RPS6KA2: variants seen among roughly 807,000 people sequenced by gnomAD.
RPS6KA2 encodes ribosomal protein S6 kinase A2.
Under a neutral mutation model 91.8 loss-of-function variants are expected in RPS6KA2, and 42 were observed. The ratio of observed to expected loss-of-function variants is 0.46; its 90% CI spans 0.36 to 0.59. RPS6KA2 has a LOEUF of 0.59. Among genes scored for constraint, RPS6KA2 ranks in the 20% least tolerant of loss-of-function variants. The probability of loss-of-function intolerance (pLI) is 0.00; values close to 1 mark genes in which losing one functional copy is unlikely to be tolerated. For synonymous variants in RPS6KA2, 414 were observed against 393.6 expected (o/e 1.05, Z -0.61); for missense variants, 798 against 978.5 (o/e 0.82, Z 2.46).
intron 8 of RPS6KA2, among the ~76,000 whole-genome samples, chr6:166,492,001 A>G (rs932015032): frequency 3.3e-5 from 5 of 152,174 alleles, no homozygotes; most frequent in Non-Finnish European, 7.4e-5. Flanking sequence ...GACATTTCCA[A>G]TTTTCTGCTA....
rs137895009 is a variant in RPS6KA2 at position 166,451,223 on chromosome 6, G to A, written c.1086C>T (p.Gly362=). ...GATGAGCGTTTGCACTCGGGGGGAC[G>A]CCAGGAGAGTCTGTAGGTGACAGGG... is the stretch of plus-strand genomic sequence containing the variant. ...FTARTPTDSP[G]VPPSANAHHL... Residue 362 remains glycine (G), a synonymous_variant, in exon 13 of 21, where the codon GGC becomes GGT. Coordinates refer to ENST00000265678, the MANE Select transcript of RPS6KA2 (RefSeq NM_021135.6). 8.7e-6 allele frequency: 14 copies of A among 1,613,752 alleles called. No individual in the cohort carries two copies. Among genetic ancestry groups the A allele is most frequent in the South Asian group, 6.6e-5 (6 of 91,070 alleles).
intron 3 of RPS6KA2, among the ~76,000 whole-genome samples, chr6:166,511,432 C>A (rs938981195): frequency 1.7e-4 from 26 of 152,200 alleles, no homozygotes; most frequent in African/African-American, 5.8e-4. Flanking sequence ...TAGTGTGTTA[C>A]AACAGCTACA....
At chr6:166,545,738 G>T (rs117079031) in intron 1 of RPS6KA2, among the ~76,000 whole-genome samples, 3 of 152,082 alleles carry the variant, frequency 2.0e-5, no homozygotes, top group East Asian at 1.9e-4. Flanking sequence ...TGTTGTTCCC[G>T]TGGATTATTT....
At chr6:166,613,324 T>C (rs1786258557) in intron 1 of RPS6KA2, among the ~76,000 whole-genome samples, 1 of 152,232 alleles carries the variant, frequency 6.6e-6, no homozygotes, top group African/African-American at 2.4e-5. Flanking sequence ...TCTTTAAGAC[T>C]TCAGTGAAGC....
chr6:166,625,432 GA>G (rs962738666), intron 1 of RPS6KA2, among the ~76,000 whole-genome samples: 38 of 148,630 alleles, frequency 2.6e-4, no homozygotes, highest in African/African-American at 9.2e-4. Flanking sequence ...TGTGTATCCA[GA>G]ATCAGGCAGA....
chr6:166,574,653 A>G (rs147435896), intron 1 of RPS6KA2, among the ~76,000 whole-genome samples: 1 of 152,248 alleles, frequency 6.6e-6, no homozygotes, highest in Non-Finnish European at 1.5e-5. Context: ...AGAATGATTT[A>G]TTTTCCTTTG....
At chr6:166,465,000 AAAT>A (rs1780467555) in intron 11 of RPS6KA2, among the ~76,000 whole-genome samples, 1 of 151,490 alleles carries the variant, frequency 6.6e-6, no homozygotes, top group Non-Finnish European at 1.5e-5. Context: ...AAAAATAAAT[AAAT>A]AAATAAATAA....
chr6:166,552,307 G>A (rs972053650), intron 1 of RPS6KA2, among the ~76,000 whole-genome samples: 3 of 152,170 alleles, frequency 2.0e-5, no homozygotes, highest in Non-Finnish European at 2.9e-5. Flanking sequence ...TCAAGGAATC[G>A]ATGAAAACTT....
At chr6:166,672,396 G>C (rs1199456001) in intron 2 of RPS6KA2, among the ~76,000 whole-genome samples, 1 of 152,158 alleles carries the variant, frequency 6.6e-6, no homozygotes, top group East Asian at 1.9e-4. Context: ...TCAACCCACG[G>C]ATGCTAATTA....
At chr6:166,617,794 C>G (rs931519521) in intron 1 of RPS6KA2, among the ~76,000 whole-genome samples, 21 of 152,330 alleles carry the variant, frequency 1.4e-4, no homozygotes, top group African/African-American at 5.1e-4. Flanking sequence ...ACGCATGGCT[C>G]GGGGGCAACG....
chr6:166,707,155 G>C (rs927422606), intron 2 of RPS6KA2, among the ~76,000 whole-genome samples: 2 of 152,244 alleles, frequency 1.3e-5, no homozygotes, highest in Admixed American at 6.5e-5. Context: ...TCTGCTAGAT[G>C]CCTTCCTTGT....
chr6:166,627,315 G>A, upstream of RPS6KA2: 2 of 763,056 alleles, frequency 2.6e-6, no homozygotes, highest in South Asian at 5.6e-5. Flanking sequence ...ATCAGCGCCC[G>A]CCGCTCCGCG....
At chr6:166,713,465 T>G (rs1237620047) in intron 2 of RPS6KA2, among the ~76,000 whole-genome samples, 1 of 152,188 alleles carries the variant, frequency 6.6e-6, no homozygotes, top group African/African-American at 2.4e-5. Flanking sequence ...TGCACAAAAA[T>G]TATAGGACAC....
intron 10 of RPS6KA2, among the ~76,000 whole-genome samples, chr6:166,476,414 G>A (rs1335224049): frequency 6.6e-6 from 1 of 152,224 alleles, no homozygotes; most frequent in African/African-American, 2.4e-5. Flanking sequence ...ACAGCTCAGT[G>A]TTCACTGTGG....
chr6:166,446,582 T>C (rs545284475), intron 14 of RPS6KA2, among the ~76,000 whole-genome samples: 1 of 152,254 alleles, frequency 6.6e-6, no homozygotes, highest in Non-Finnish European at 1.5e-5. Flanking sequence ...AACAAGATCT[T>C]TGAGGACTGA....
intron 1 of RPS6KA2, among the ~76,000 whole-genome samples, chr6:166,560,679 G>C (rs1784317012): frequency 6.6e-6 from 1 of 152,160 alleles, no homozygotes; most frequent in South Asian, 2.1e-4. Flanking sequence ...TGGTGGGAGG[G>C]GAGGGAGGGC....
At chr6:166,451,302 G>A in intron 12 of RPS6KA2, 69 bp from the exon 13 acceptor site, 1 of 1,564,362 alleles carries the variant, frequency 6.4e-7, no homozygotes, top group Non-Finnish European at 8.8e-7. Flanking sequence ...GTGATAGTGT[G>A]TGTGTGCATG....
In RPS6KA2 at chr6:166,626,897, G is replaced by GCGCCC. The variant is rs758326610; in HGVS notation, c.99+19_99+23dup. On this transcript the variant is annotated intron_variant, in intron 1 of 20. Transcript: ENST00000265678. This position sits in a 1 kb window ranked among gnomAD's most constrained non-coding sequence, Gnocchi z 4.1. ...GGCCCGCTCAGTGCCCGGCACCTGC[G>GCGCCC]CGCCCCGAGGGCGGCCGCATTACCT... 1.6e-5 allele frequency: 23 copies of GCGCCC among 1,468,758 alleles called. No homozygotes were observed. The East Asian group carries it at 6.5e-4, about 42-fold the overall frequency. 91.0% of individuals were successfully genotyped at this position (1,468,758 alleles called of 1,614,324 possible). A position where few individuals can be genotyped will look rare whatever the true frequency, so the allele number is the denominator to read the frequency against.
At chr6:166,841,074 G>A (rs1441906739) in intron 2 of RPS6KA2, among the ~76,000 whole-genome samples, 1 of 151,622 alleles carries the variant, frequency 6.6e-6, no homozygotes, top group South Asian at 2.1e-4. Context: ...TTGAGGTTGG[G>A]AGTTCAAGAC....
Sources: gnomAD v4.1 joint callset for allele counts (sites outside exome capture counted in the v4.1 genomes callset) on GRCh38, gnomAD v4.1.1 for gene constraint, Gnocchi (gnomAD v3.1) non-coding constraint, MANE v1.5 for transcripts, NCBI Gene and HGNC (gene_info 2026-07-23, HGNC 2026-07-21) for gene names.